Variants in RAD51B observed in about 807,000 individuals in gnomAD.
The protein encoded by RAD51B is DNA repair protein RAD51 homolog 2.
RAD51B carries 38 observed loss-of-function variants against 42.2 expected under a neutral mutation model. The ratio of observed to expected loss-of-function variants is 0.90; its 90% confidence interval spans 0.70 to 1.18. The LOEUF (loss-of-function observed/expected upper bound fraction) is 1.18. Among genes scored for constraint, RAD51B ranks in the 50% most tolerant of loss-of-function variants. The pLI is 0.00. For missense variants in RAD51B, 373 were observed against 400.7 expected, an observed-to-expected ratio of 0.93 and a Z score of 0.59; for synonymous variants, 154 against 145.2, an observed-to-expected ratio of 1.06 and a Z score of -0.43.
At chr14:67,949,648 T>C (rs2074406406) in intron 7 of RAD51B, among the ~76,000 whole-genome samples, 2 of 152,254 alleles carry the variant, frequency 1.3e-5, no homozygotes, top group East Asian at 1.9e-4. Flanking sequence ...TCTAGAATGG[T>C]AAATTCTTTC....
intron 7 of RAD51B, among the ~76,000 whole-genome samples, chr14:68,086,698 C>G (rs969594164): frequency 6.6e-6 from 1 of 152,144 alleles, no homozygotes; most frequent in African/African-American, 2.4e-5. Flanking sequence ...GAGAATTAAT[C>G]TTAGGATGGA....
At chr14:68,175,903 T>C (rs1024410268) in intron 7 of RAD51B, among the ~76,000 whole-genome samples, 2 of 152,226 alleles carry the variant, frequency 1.3e-5, no homozygotes, top group Admixed American at 6.5e-5. Flanking sequence ...TTCTCTACTA[T>C]ATATGCACTT....
intron 7 of RAD51B, among the ~76,000 whole-genome samples, chr14:68,202,018 A>C (rs771662897): frequency 1.6e-4 from 24 of 152,232 alleles, no homozygotes; most frequent in Non-Finnish European, 3.2e-4. Context: ...TGAATATTGT[A>C]ATAAAGGTAC....
chr14:67,827,067 C>T (rs932555), intron 3 of RAD51B, among the ~76,000 whole-genome samples: 49,265 of 152,058 alleles, frequency 0.32, 8,335 homozygotes, highest in Middle Eastern at 0.45. Flanking sequence ...AGAATCAGAA[C>T]TGGAGTTAGA....
At chr14:68,649,695 G>A (rs568950817) in intron 10 of RAD51B, among the ~76,000 whole-genome samples, 1 of 152,334 alleles carries the variant, frequency 6.6e-6, no homozygotes, top group East Asian at 1.9e-4. Context: ...CCAGTCATGT[G>A]TGAAGAGGGG....
At chr14:68,042,369 T>G (rs530677230) in intron 7 of RAD51B, among the ~76,000 whole-genome samples, 1 of 152,332 alleles carries the variant, frequency 6.6e-6, no homozygotes, top group East Asian at 1.9e-4. Flanking sequence ...TGGACTCATT[T>G]GAATTACAGG....
At chr14:67,917,049 G>A (rs1318712992) in intron 7 of RAD51B, among the ~76,000 whole-genome samples, 2 of 152,226 alleles carry the variant, frequency 1.3e-5, no homozygotes, top group Non-Finnish European at 2.9e-5. Context: ...TGACATCTGA[G>A]CAAAGACTTG....
At chr14:68,663,416 G>GC (rs1311498857) in intron 11 of RAD51B, among the ~76,000 whole-genome samples, 1 of 152,086 alleles carries the variant, frequency 6.6e-6, no homozygotes, top group Non-Finnish European at 1.5e-5. Flanking sequence ...TCTCTCCACT[G>GC]CCCCTGTATC....
At chr14:68,306,623 C>A (rs770332840) in intron 8 of RAD51B, 1 of 516,044 alleles carries the variant, frequency 1.9e-6, no homozygotes, top group Non-Finnish European at 3.9e-6. Flanking sequence ...AGAAATATAA[C>A]CTTGATCCTC....
chr14:67,830,547 A>G (rs1395448143), intron 3 of RAD51B, among the ~76,000 whole-genome samples: 1 of 152,044 alleles, frequency 6.6e-6, no homozygotes, highest in Admixed American at 6.6e-5. Flanking sequence ...GACTACAGAC[A>G]TGCACCATCA....
intron 9 of RAD51B, among the ~76,000 whole-genome samples, chr14:68,430,983 G>A (rs1000797502): frequency 1.3e-5 from 2 of 152,124 alleles, no homozygotes; most frequent in African/African-American, 4.8e-5. Flanking sequence ...TTTGTCAAGG[G>A]CCTTTTCTGC....
intron 8 of RAD51B, among the ~76,000 whole-genome samples, chr14:68,381,022 T>C (rs1463811889): frequency 6.6e-6 from 1 of 152,252 alleles, no homozygotes; most frequent in Non-Finnish European, 1.5e-5. Flanking sequence ...CCATGAATCT[T>C]AGCCATGAAA....
intron 7 of RAD51B, among the ~76,000 whole-genome samples, chr14:68,021,562 C>G (rs2075866492): frequency 1.3e-5 from 2 of 152,184 alleles, no homozygotes; most frequent in Non-Finnish European, 2.9e-5. Context: ...TGCTACCTAG[C>G]TAAACTAAGT....
At chr14:68,088,283 G>C (rs1052043989) in intron 7 of RAD51B, among the ~76,000 whole-genome samples, 2 of 151,504 alleles carry the variant, frequency 1.3e-5, no homozygotes, top group Non-Finnish European at 2.9e-5. Flanking sequence ...AGAGAGAAAA[G>C]AGATAAAATT....
intron 10 of RAD51B, among the ~76,000 whole-genome samples, chr14:68,548,584 G>A (rs1347531892): frequency 1.3e-5 from 2 of 152,240 alleles, no homozygotes; most frequent in Non-Finnish European, 2.9e-5. Context: ...TACTCTTAGT[G>A]TTGAGTCCTG....
intron 10 of RAD51B, among the ~76,000 whole-genome samples, chr14:68,503,868 AAGG>A (rs1167658496): frequency 7.2e-5 from 11 of 152,208 alleles, no homozygotes; most frequent in Non-Finnish European, 1.2e-4. Context: ...TCTGAGGTGC[AAGG>A]AGGACTTTTT....
chr14:67,980,741 G>C (rs2075076581), intron 7 of RAD51B, among the ~76,000 whole-genome samples: 1 of 152,108 alleles, frequency 6.6e-6, no homozygotes, highest in Non-Finnish European at 1.5e-5. Flanking sequence ...ACTCAAAACA[G>C]ATCATAGACT....
intron 7 of RAD51B, among the ~76,000 whole-genome samples, chr14:68,209,280 C>G (rs2079653229): frequency 6.6e-6 from 1 of 152,158 alleles, no homozygotes; most frequent in Non-Finnish European, 1.5e-5. Flanking sequence ...TTATAGAACT[C>G]TCTGTGAGGT....
intron 10 of RAD51B, among the ~76,000 whole-genome samples, chr14:68,503,458 G>A (rs547630816): frequency 2.4e-4 from 36 of 152,286 alleles, no homozygotes; most frequent in Non-Finnish European, 4.4e-4. Context: ...TACAGAGAAG[G>A]CGGCAAGGCC....
Sources: allele counts gnomAD v4.1 joint callset (sites outside exome capture counted in the v4.1 genomes callset), GRCh38; gene constraint gnomAD v4.1.1; transcripts MANE v1.5; gene names NCBI Gene and HGNC (gene_info 2026-07-23, HGNC 2026-07-21).